The following ARID3A variants were observed in gnomAD, a reference collection of about 807,000 sequenced individuals.
ARID3A encodes the protein AT-rich interaction domain 3A, also known as AT-rich interactive domain-containing protein 3A.
Under a neutral mutation model 52.7 loss-of-function variants are expected in ARID3A, and 11 were observed. The observed-to-expected ratio is 0.21, with a 90% CI of 0.13 to 0.35. ARID3A has a LOEUF of 0.35. Ranked by LOEUF, ARID3A falls within the 10% of genes least tolerant of loss-of-function variation. The probability of loss-of-function intolerance (pLI) is 1.00; values close to 1 mark genes in which losing one functional copy is unlikely to be tolerated. For synonymous variants in ARID3A, 404 were observed against 359.4 expected (o/e 1.12, Z -1.40); for missense variants, 721 against 838.5 (o/e 0.86, Z 1.73).
rs1415566563 is a variant in ARID3A, at chr19:960,000, G to C, written c.694-92G>C. The stretch of plus-strand genomic sequence containing the variant: ...CCTAGGGGTGGTGACCCCTGCTCCT[G>C]TCCTCCTGACCTGGCCTCCAGTGCA... On this transcript the variant is annotated intron_variant, in intron 3 of 8. Coordinates refer to ENST00000263620, the MANE Select transcript of ARID3A (RefSeq NM_005224.3). The surrounding 1 kb of genome is among the most constrained non-coding windows in gnomAD (Gnocchi z 5.0). The C allele has an allele frequency of 8.6e-7, 1 of 1,163,996 alleles. No homozygotes were observed. Among genetic ancestry groups the C allele is most frequent in the African/African-American group, 1.6e-5 (1 of 64,204 alleles). The allele number at this position is 1,163,996 out of a possible 1,614,324, so 72.1% of individuals were successfully genotyped here. A position where few individuals can be genotyped will look rare whatever the true frequency, so the allele number is the denominator to read the frequency against.
Position 946,796 on chromosome 19 carries a change from T to TTGTG in ARID3A, c.694-13281_694-13278dup, listed in dbSNP as rs544067938. The stretch of plus-strand genomic sequence containing the variant: ...CAAAACTAAAATTCTGTTTGTTTGT[T>TTGTG]TGTGTGTGTGTGTGTGTGACAGGGT... On this transcript the variant is annotated intron_variant, in intron 3 of 8. Transcript: ENST00000263620. Among the ~76,000 whole-genome samples, 262 of 150,142 alleles carry TTGTG rather than the reference T, an allele frequency of 1.7e-3. 1 individual carries two copies. The highest frequency in any genetic ancestry group is 5.8e-3 in the African/African-American group (236 of 40,956).
At position 954,040 on chromosome 19, in the gene ARID3A, C is replaced by T. The variant is rs553342955; in HGVS notation, c.694-6052C>T. On this transcript the variant is annotated intron_variant, in intron 3 of 8. Coordinates refer to ENST00000263620, the MANE Select transcript of ARID3A (RefSeq NM_005224.3). ...CTGCACTCCAGCCTGAGTGACAGAG[C>T]GAGACCCTGTCCCTAAATAGGGCAG... Among the ~76,000 whole-genome samples, 5 of 152,182 alleles carry T rather than the reference C, an allele frequency of 3.3e-5. No homozygotes were observed. The East Asian group carries it at 9.7e-4, about 29-fold the overall frequency.
chr19:956,793 G>A (rs1599414425), intron 3 of ARID3A: 1 of 152,582 alleles, frequency 6.6e-6, no homozygotes, highest in Non-Finnish European at 1.5e-5. Flanking sequence ...ACACAGACGG[G>A]GAAACTGAGG....
chr19:947,710 C>T lies in ARID3A; in HGVS notation c.694-12382C>T, dbSNP rs576030645. The stretch of plus-strand genomic sequence containing the variant: ...CCTTCACCACGCCAGCTTCCCGGGC[C>T]GCGCTTCATTGTCATTTCTGGAGAG... On this transcript the variant is annotated intron_variant, in intron 3 of 8. Transcript: ENST00000263620. The surrounding 1 kb of genome is among the most constrained non-coding windows in gnomAD (Gnocchi z 6.3). Among the ~76,000 whole-genome samples the T allele has an allele frequency of 2.6e-5, 4 of 152,328 alleles. No homozygotes were observed. The highest frequency in any genetic ancestry group is 6.5e-5 in the Admixed American group (1 of 15,298).
intron 3 of ARID3A, among the ~76,000 whole-genome samples, chr19:946,334 T>C (rs555011663): frequency 2.3e-4 from 35 of 152,072 alleles, no homozygotes; most frequent in Non-Finnish European, 4.4e-4. Flanking sequence ...CGATCTTGGC[T>C]CACTGCAAGC....
rs1292194539 is a variant in ARID3A at position 968,401 on chromosome 19, A to G, written c.1496-4A>G. Reference sequence around the variant, plus strand: ...AAGAAACTAATTTGTTCTTCTTCCCACAGCCTCCGAAAGCCGCCAGGACTC... The same window carrying G: ...AAGAAACTAATTTGTTCTTCTTCCCGCAGCCTCCGAAAGCCGCCAGGACTC... On this transcript the variant is annotated splice_polypyrimidine_tract_variant and splice_region_variant and intron_variant, in intron 7 of 8. Coordinates refer to ENST00000263620, the MANE Select transcript of ARID3A (RefSeq NM_005224.3). 1.2e-6 allele frequency: 2 copies of G among 1,606,730 alleles called. No individual in the cohort carries two copies. The highest frequency in any genetic ancestry group is 1.1e-5 in the South Asian group (1 of 89,296).
chr19:964,241 C>T lies in ARID3A; in HGVS notation c.767-7C>T. On this transcript the variant is annotated splice_polypyrimidine_tract_variant and splice_region_variant and intron_variant, in intron 4 of 8. Coordinates refer to ENST00000263620, the MANE Select transcript of ARID3A (RefSeq NM_005224.3). This position sits in a 1 kb window ranked among gnomAD's most constrained non-coding sequence, Gnocchi z 5.7. ...GCCCCCAACCTCCCTCTCGCCCCTT[C>T]CCCCAGGGACACCTGTGAACCGCAT... 6.2e-7 allele frequency: 1 copy of T among 1,606,364 alleles called. No homozygotes were observed. Among genetic ancestry groups the T allele is most frequent in the Non-Finnish European group, 8.5e-7 (1 of 1,174,348 alleles).
In ARID3A at chr19:947,315, C is replaced by T. The variant is rs1599402474; in HGVS notation, c.694-12777C>T. On this transcript the variant is annotated intron_variant, in intron 3 of 8. Transcript: ENST00000263620. This position sits in a 1 kb window ranked among gnomAD's most constrained non-coding sequence, Gnocchi z 6.3. The stretch of plus-strand genomic sequence containing the variant: ...TTAGGGACTGCGGGCCCCAGATTTC[C>T]ACGTCATATCTCGCCGCCATGGGGC... Among the ~76,000 whole-genome samples, 1 of 152,192 alleles carries T rather than the reference C, an allele frequency of 6.6e-6. No individual in the cohort carries two copies. The highest frequency in any genetic ancestry group is 1.5e-5 in the Non-Finnish European group (1 of 68,018).
Position 974,279 on chromosome 19 carries a change from A to AC in ARID3A, c.*2219dup, listed in dbSNP as rs2038338212. 1 of 226,778 alleles carries AC rather than the reference A, an allele frequency of 4.4e-6. No individual in the cohort carries two copies. The highest frequency in any genetic ancestry group is 6.3e-5 in the East Asian group (1 of 15,976). The allele number at this position is 226,778 out of a possible 1,614,324, so 14.0% of individuals were successfully genotyped here. The stretch of plus-strand genomic sequence containing the variant: ...TCGGATCTCAGGGCCGTGGACACAC[A>AC]CCCCCTTTCCAGGAGGGGGTGGTGG... On this transcript the variant is annotated 3_prime_UTR_variant, in exon 9 of 9. Transcript: ENST00000263620.
Position 975,354 on chromosome 19 carries a change from TGGGCACG to T in ARID3A, c.*3300_*3306del, listed in dbSNP as rs905061263. 3 of 178,988 alleles carry T rather than the reference TGGGCACG, an allele frequency of 1.7e-5. No individual in the cohort carries two copies. Among genetic ancestry groups the T allele is most frequent in the East Asian group, 9.8e-5 (1 of 10,198 alleles). 11.1% of individuals were successfully genotyped at this position (178,988 alleles called of 1,614,324 possible). On this transcript the variant is annotated 3_prime_UTR_variant, in exon 9 of 9. Transcript: ENST00000263620. ...GTGGCTGTCCAGAAAGGCGGGAGGGTGGGCACGGGGCACGGGGGGCAGCTGGGGTCGT... is the reference window on the plus strand; with the variant it reads ...GTGGCTGTCCAGAAAGGCGGGAGGGTGGGCACGGGGGGCAGCTGGGGTCGT...
intron 8 of ARID3A, among the ~76,000 whole-genome samples, chr19:970,951 C>G (rs1481449830): frequency 2.0e-5 from 3 of 151,952 alleles, no homozygotes; most frequent in Non-Finnish European, 2.9e-5. Context: ...GGGTCCGTGC[C>G]CTCCGGAAAT....
At chr19:965,186 A>C in intron 6 of ARID3A, 106 bp downstream of exon 6, 2 of 1,327,102 alleles carry the variant, frequency 1.5e-6, no homozygotes, top group South Asian at 1.5e-5. Context: ...AGGATGAAAA[A>C]CCCTATAGTT....
upstream of ARID3A, chr19:925,971 G>A (rs1011738195): frequency 2.6e-5 from 4 of 151,638 alleles, no homozygotes; most frequent in Non-Finnish European, 5.9e-5. Context: ...CTGGGGGTGG[G>A]GGAGGGGCGG....
rs534875051 is a variant in ARID3A at position 959,772 on chromosome 19, C to T, written c.694-320C>T. 1.4e-4 allele frequency among the ~76,000 whole-genome samples: 21 copies of T among 152,224 alleles called. No individual in the cohort carries two copies. The East Asian group carries it at 1.7e-3, about 13-fold the overall frequency. ...GACGGAGGCAGAGACTGGAGCGCTG[C>T]GGCCACAAGCCAGGACGCACCTTGA... On this transcript the variant is annotated intron_variant, in intron 3 of 8. Coordinates refer to ENST00000263620, the MANE Select transcript of ARID3A (RefSeq NM_005224.3). This position sits in a 1 kb window ranked among gnomAD's most constrained non-coding sequence, Gnocchi z 5.0.
At chr19:950,256 C>G (rs113644311) in intron 3 of ARID3A, among the ~76,000 whole-genome samples, 14 of 15,528 alleles carry the variant, frequency 9.0e-4, no homozygotes, top group African/African-American at 2.3e-3. Context: ...ATGAGGCCGT[C>G]CCCAGAGGGA....
chr19:938,011 T>G lies in ARID3A; in HGVS notation c.693+5269T>G, dbSNP rs1432112491. On this transcript the variant is annotated intron_variant, in intron 3 of 8. Coordinates refer to ENST00000263620, the MANE Select transcript of ARID3A (RefSeq NM_005224.3). The surrounding 1 kb of genome is among the most constrained non-coding windows in gnomAD (Gnocchi z 4.0). ...GTGTGAGCCACTGCGCCCGGCTAAT[T>G]TTTTGTATTTTTAGTAGAGACGGGG... is the stretch of plus-strand genomic sequence containing the variant. Among the ~76,000 whole-genome samples the G allele has an allele frequency of 6.6e-6, 1 of 151,754 alleles. No individual in the cohort carries two copies. Among genetic ancestry groups the G allele is most frequent in the Non-Finnish European group, 1.5e-5 (1 of 67,940 alleles).
In ARID3A at chr19:953,243, C is replaced by T. The variant is rs376595684; in HGVS notation, c.694-6849C>T. Among the ~76,000 whole-genome samples the T allele has an allele frequency of 7.9e-4, 121 of 152,276 alleles. 2 individuals are homozygous for T. In the East Asian group the frequency reaches 0.022, roughly 27 times the overall value. ...ACTCCACTGACCCCCTCGGAGCTGTCGTTTCTCTGGGAGGTGGGGTGGAGA... is the reference window on the plus strand; with the variant it reads ...ACTCCACTGACCCCCTCGGAGCTGTTGTTTCTCTGGGAGGTGGGGTGGAGA... On this transcript the variant is annotated intron_variant, in intron 3 of 8. Coordinates refer to ENST00000263620, the MANE Select transcript of ARID3A (RefSeq NM_005224.3).
Position 941,035 on chromosome 19 carries a change from G to A in ARID3A, c.693+8293G>A, listed in dbSNP as rs969280038. Among the ~76,000 whole-genome samples the A allele has an allele frequency of 1.3e-5, 2 of 152,030 alleles. No individual in the cohort carries two copies. The highest frequency in any genetic ancestry group is 2.4e-5 in the African/African-American group (1 of 41,408). On this transcript the variant is annotated intron_variant, in intron 3 of 8. Transcript: ENST00000263620. The surrounding 1 kb of genome is among the most constrained non-coding windows in gnomAD (Gnocchi z 6.9). ...GCCCCTGCGCCACCGCCTGGCCGTC[G>A]GGTCACCGCCGCGGGGTCACCGCCG...
At chr19:943,533 A>C (rs1469226535) in intron 3 of ARID3A, among the ~76,000 whole-genome samples, 1 of 151,676 alleles carries the variant, frequency 6.6e-6, no homozygotes, top group East Asian at 1.9e-4. Flanking sequence ...GCACCACTAC[A>C]CTCCAGCCTG....
Sources: gnomAD v4.1 joint callset for allele counts (sites outside exome capture counted in the v4.1 genomes callset) on GRCh38, gnomAD v4.1.1 for gene constraint, Gnocchi (gnomAD v3.1) non-coding constraint, MANE v1.5 for transcripts, NCBI Gene and HGNC (gene_info 2026-07-23, HGNC 2026-07-21) for gene names.